PDE8B: variants seen among roughly 807,000 people sequenced by gnomAD.
The protein encoded by PDE8B is high affinity cAMP-specific and IBMX-insensitive 3',5'-cyclic phosphodiesterase 8B.
A neutral mutation model predicts 101.3 loss-of-function variants in PDE8B; 26 were observed. The observed-to-expected ratio is 0.26, with a 90% CI of 0.19 to 0.36. The LOEUF (loss-of-function observed/expected upper bound fraction) is 0.36, where lower values mean the gene tolerates loss of function less well. PDE8B is among the 10% of genes least tolerant of loss of function. The probability of loss-of-function intolerance (pLI) is 1.00; values close to 1 mark genes in which losing one functional copy is unlikely to be tolerated. For synonymous variants in PDE8B, 424 were observed against 429.3 expected, an observed-to-expected ratio of 0.99 and a Z score of 0.15; for missense variants, 810 against 1,163.1, an observed-to-expected ratio of 0.70 and a Z score of 4.42.
chr5:77,390,267 C>G (rs965230430), intron 10 of PDE8B, among the ~76,000 whole-genome samples: 1 of 152,120 alleles, frequency 6.6e-6, no homozygotes, highest in African/African-American at 2.4e-5. Context: ...GCATTTAGCA[C>G]AAGGACAGCA....
intron 1 of PDE8B, among the ~76,000 whole-genome samples, chr5:77,214,178 C>T (rs1359536134): frequency 6.6e-6 from 1 of 152,236 alleles, no homozygotes; most frequent in African/African-American, 2.4e-5. Context: ...GAACCTCTCT[C>T]TGGGAAGAAC....
chr5:77,166,246 A>AAC, the PDE8B span, among the ~76,000 whole-genome samples: 7 of 143,566 alleles, frequency 4.9e-5, no homozygotes, highest in African/African-American at 7.6e-5. Context: ...AAAAAAAAAA[A>AAC]CCAACAAAAA....
At chr5:77,123,620 G>A in the PDE8B span, among the ~76,000 whole-genome samples, 2 of 152,084 alleles carry the variant, frequency 1.3e-5, no homozygotes, top group African/African-American at 4.8e-5. Context: ...TTAGCTGGGT[G>A]TGGTGGTGCA....
At chr5:77,186,084 C>T in the PDE8B span, among the ~76,000 whole-genome samples, 3 of 152,174 alleles carry the variant, frequency 2.0e-5, no homozygotes, top group Non-Finnish European at 4.4e-5. Flanking sequence ...TTATTATTTG[C>T]AGCTTCAGAA....
chr5:77,417,150 C>G (rs1280177717), intron 17 of PDE8B, among the ~76,000 whole-genome samples: 1 of 152,110 alleles, frequency 6.6e-6, no homozygotes, highest in African/African-American at 2.4e-5. Flanking sequence ...AAATGCAGTT[C>G]GTCAGTTGCA....
chr5:77,389,267 C>T (rs755039610), intron 10 of PDE8B, among the ~76,000 whole-genome samples: 13 of 152,140 alleles, frequency 8.5e-5, no homozygotes, highest in Non-Finnish European at 1.6e-4. Flanking sequence ...GTATCTGGGC[C>T]GGAATGTACC....
chr5:77,404,901 C>A (rs891197314), intron 12 of PDE8B, 104 bp downstream of exon 12: 2 of 727,746 alleles, frequency 2.7e-6, no homozygotes, highest in Non-Finnish European at 5.0e-6. Context: ...AGTAAGAGTT[C>A]AACAACACCG....
intron 4 of PDE8B, among the ~76,000 whole-genome samples, chr5:77,330,688 T>A (rs1340885827): frequency 2.6e-5 from 4 of 152,188 alleles, no homozygotes; most frequent in African/African-American, 9.7e-5. Context: ...CTTCCCTGGT[T>A]CTTAGGATAT....
chr5:77,374,551 T>C (rs9784696), intron 10 of PDE8B, among the ~76,000 whole-genome samples: 19,416 of 152,138 alleles, frequency 0.13, 3,214 homozygotes, highest in African/African-American at 0.39. Context: ...GGGATTACTA[T>C]ATACATCTTT....
chr5:77,117,928 T>G, the PDE8B span, among the ~76,000 whole-genome samples: 1 of 152,132 alleles, frequency 6.6e-6, no homozygotes, highest in East Asian at 1.9e-4. Flanking sequence ...GTTTTTTGTT[T>G]TTTTGGTGGT....
At chr5:77,329,647 G>A (rs1181169901) in intron 4 of PDE8B, among the ~76,000 whole-genome samples, 1 of 152,166 alleles carries the variant, frequency 6.6e-6, no homozygotes, top group African/African-American at 2.4e-5. Context: ...GTCTGAAGTG[G>A]CCAGCACTTA....
Position 77,327,920 on chromosome 5 carries a change from T to C in PDE8B, c.591-1078T>C, listed in dbSNP as rs556519622. 1.4e-3 allele frequency among the ~76,000 whole-genome samples: 209 copies of C among 152,312 alleles called. 2 individuals carry two copies. Among genetic ancestry groups the C allele is most frequent in the African/African-American group, 4.8e-3 (199 of 41,572 alleles). On this transcript the variant is annotated intron_variant, in intron 3 of 21. Coordinates refer to ENST00000264917, the MANE Select transcript of PDE8B (RefSeq NM_003719.5). ...AGGAACAGGACATGGAGAAGGTACA[T>C]TTTTTGAGAAAGGTCATAAAATGTT...
At chr5:77,233,646 C>G (rs2149498116) in intron 1 of PDE8B, among the ~76,000 whole-genome samples, 1 of 143,944 alleles carries the variant, frequency 6.9e-6, no homozygotes, top group Non-Finnish European at 1.5e-5. Context: ...CCCCAACCCC[C>G]TGAAGCTCTG....
chr5:77,218,506 C>T (rs1456528977), intron 1 of PDE8B, among the ~76,000 whole-genome samples: 1 of 152,190 alleles, frequency 6.6e-6, no homozygotes, highest in African/African-American at 2.4e-5. Context: ...GGCCACACAG[C>T]CTGAAGCCCT....
chr5:77,310,434 T>C (rs1772343012), intron 1 of PDE8B, among the ~76,000 whole-genome samples: 1 of 152,254 alleles, frequency 6.6e-6, no homozygotes, highest in South Asian at 2.1e-4. Context: ...GCCCCTAGGC[T>C]ACTGGTGTCA....
intron 2 of PDE8B, among the ~76,000 whole-genome samples, chr5:77,324,361 A>G (rs1050700375): frequency 6.6e-6 from 1 of 152,172 alleles, no homozygotes; most frequent in African/African-American, 2.4e-5. Flanking sequence ...TGGGGGGTAC[A>G]AGCAGGGAAC....
At chr5:77,229,282 G>A (rs1753063466) in intron 1 of PDE8B, among the ~76,000 whole-genome samples, 3 of 152,180 alleles carry the variant, frequency 2.0e-5, no homozygotes, top group Admixed American at 1.3e-4. Flanking sequence ...AGAAAAATTA[G>A]TGTCAAAATT....
intron 2 of PDE8B, among the ~76,000 whole-genome samples, chr5:77,322,658 A>G (rs1561525190): frequency 6.6e-6 from 1 of 152,066 alleles, no homozygotes; most frequent in Non-Finnish European, 1.5e-5. Flanking sequence ...ATTTGCTCAC[A>G]CGTCACTTTC....
chr5:77,161,967 C>CT, the PDE8B span, among the ~76,000 whole-genome samples: 21 of 142,740 alleles, frequency 1.5e-4, no homozygotes, highest in African/African-American at 3.3e-4. Flanking sequence ...AATTTTTTTT[C>CT]TTTTTTTTTT....
Sources: gnomAD v4.1 joint callset for allele counts (sites outside exome capture counted in the v4.1 genomes callset) on GRCh38, gnomAD v4.1.1 for gene constraint, MANE v1.5 for transcripts, NCBI Gene and HGNC (gene_info 2026-07-23, HGNC 2026-07-21) for gene names.